The following SORCS2 variants were observed in gnomAD, a reference collection of about 807,000 sequenced individuals.
SORCS2 encodes the protein sortilin related VPS10 domain containing receptor 2, also known as VPS10 domain-containing receptor SorCS2.
SORCS2 carries 100 observed loss-of-function variants against 141.6 expected under a neutral mutation model. That is an observed-to-expected ratio of 0.71 (90% CI 0.60 to 0.83). The LOEUF (loss-of-function observed/expected upper bound fraction) is 0.83. SORCS2 is among the 40% of genes least tolerant of loss of function. SORCS2 has a pLI of 0.00. For missense variants in SORCS2, 1,646 were observed against 1,560.2 expected (o/e 1.05, Z -0.93); for synonymous variants, 789 against 676.9 (o/e 1.17, Z -2.57).
rs76828843 is a variant in SORCS2, at chr4:7,670,191, T to C, written c.1161+2978T>C. ...ATAGCTTTGCCATGTTTTTCTATTT[T>C]CCTTCTGTGTTAAAGGGTATAAATG... On this transcript the variant is annotated intron_variant, in intron 8 of 26. Coordinates refer to ENST00000507866, the MANE Select transcript of SORCS2 (RefSeq NM_020777.3). Among the ~76,000 whole-genome samples the C allele has an allele frequency of 7.8e-3, 1,192 of 152,364 alleles. 16 individuals carry two copies. Among genetic ancestry groups the C allele is most frequent in the African/African-American group, 0.028 (1,147 of 41,594 alleles).
rs1163985997 is a variant in SORCS2, at chr4:7,336,715, T to C, written c.481-59573T>C. Among the ~76,000 whole-genome samples the C allele has an allele frequency of 4.7e-5, 7 of 149,848 alleles. 1 individual carries two copies. Among genetic ancestry groups the C allele is most frequent in the Admixed American group, 2.0e-4 (3 of 15,094 alleles). On this transcript the variant is annotated intron_variant, in intron 1 of 26. Transcript: ENST00000507866. ...GTCCCAGGACCTCCTGTTCGCATCT[T>C]GGTGGAAGCGCCAGTAGCACCTTGG...
chr4:7,662,213 G>T (rs1445110443), intron 6 of SORCS2, among the ~76,000 whole-genome samples: 3 of 149,852 alleles, frequency 2.0e-5, no homozygotes, highest in African/African-American at 4.9e-5. Context: ...GCTAGGTGTG[G>T]CTCCCCACCC....
intron 3 of SORCS2, among the ~76,000 whole-genome samples, chr4:7,600,477 G>A (rs770896050): frequency 1.3e-5 from 2 of 152,066 alleles, no homozygotes; most frequent in Non-Finnish European, 2.9e-5. Context: ...GATGTTGATC[G>A]CGGGAGACAG....
intron 2 of SORCS2, among the ~76,000 whole-genome samples, chr4:7,436,747 G>C (rs956620973): frequency 2.0e-5 from 3 of 152,214 alleles, no homozygotes; most frequent in African/African-American, 7.2e-5. Flanking sequence ...TGGTGGATTT[G>C]TCTACTCGAC....
intron 11 of SORCS2, among the ~76,000 whole-genome samples, chr4:7,696,272 TC>T (rs1724703205): frequency 6.6e-6 from 1 of 152,104 alleles, no homozygotes; most frequent in South Asian, 2.1e-4. Context: ...GTCATCAGGG[TC>T]CCCATCATCC....
At chr4:7,278,332 G>A (rs73206494) in intron 1 of SORCS2, among the ~76,000 whole-genome samples, 2 of 152,312 alleles carry the variant, frequency 1.3e-5, no homozygotes, top group Non-Finnish European at 2.9e-5. Flanking sequence ...TTCACTGAGC[G>A]TGACGGGGTC....
chr4:7,272,666 C>T (rs1715222399), intron 1 of SORCS2, among the ~76,000 whole-genome samples: 1 of 152,228 alleles, frequency 6.6e-6, no homozygotes, highest in Admixed American at 6.5e-5. Flanking sequence ...TGGGGCACCC[C>T]ACCAGCGTGA....
intron 25 of SORCS2, among the ~76,000 whole-genome samples, chr4:7,736,236 C>T (rs970550165): frequency 6.6e-6 from 1 of 152,256 alleles, no homozygotes; most frequent in African/African-American, 2.4e-5. Context: ...GCTTGGCCCT[C>T]GTCTCTCAAG....
intron 1 of SORCS2, among the ~76,000 whole-genome samples, chr4:7,195,484 C>T (rs969615066): frequency 6.6e-6 from 1 of 152,182 alleles, no homozygotes; most frequent in African/African-American, 2.4e-5. Context: ...CTCTCTCACA[C>T]ACCCATTCTC....
intron 1 of SORCS2, among the ~76,000 whole-genome samples, chr4:7,229,136 T>C (rs1711630835): frequency 6.6e-6 from 1 of 152,158 alleles, no homozygotes; most frequent in Non-Finnish European, 1.5e-5. Context: ...TCCTTTCTAC[T>C]TTTGGGTATA....
At position 7,680,232 on chromosome 4, in the gene SORCS2, C is replaced by T. The variant is rs1723432872; in HGVS notation, c.1342-2511C>T. On this transcript the variant is annotated intron_variant, in intron 9 of 26. Coordinates refer to ENST00000507866, the MANE Select transcript of SORCS2 (RefSeq NM_020777.3). ...AGTCTAGCACAGAGGGACCTGTCTGCAGCCAATCTATAGGCAACACTCACA... is the reference window on the plus strand; with the variant it reads ...AGTCTAGCACAGAGGGACCTGTCTGTAGCCAATCTATAGGCAACACTCACA... Among the ~76,000 whole-genome samples the T allele has an allele frequency of 3.9e-5, 6 of 152,268 alleles. No individual in the cohort carries two copies. The South Asian group carries it at 1.2e-3, about 32-fold the overall frequency.
At chr4:7,480,157 T>C (rs1468159813) in intron 2 of SORCS2, among the ~76,000 whole-genome samples, 2 of 151,894 alleles carry the variant, frequency 1.3e-5, no homozygotes, top group Admixed American at 1.3e-4. Context: ...CTCACAGGGG[T>C]CTGAAGTGTG....
At chr4:7,615,060 T>C (rs1162335005) in intron 3 of SORCS2, among the ~76,000 whole-genome samples, 1 of 152,122 alleles carries the variant, frequency 6.6e-6, no homozygotes, top group African/African-American at 2.4e-5. Flanking sequence ...TATTCACCCA[T>C]CCACCATCTC....
At chr4:7,700,808 C>T (rs978397252) in intron 12 of SORCS2, among the ~76,000 whole-genome samples, 3 of 152,180 alleles carry the variant, frequency 2.0e-5, no homozygotes, top group East Asian at 3.9e-4. Flanking sequence ...CTCCAGCCTG[C>T]GACCCCACCA....
rs944598832 is a variant in SORCS2 at position 7,379,697 on chromosome 4, C to G, written c.481-16591C>G. On this transcript the variant is annotated intron_variant, in intron 1 of 26. Coordinates refer to ENST00000507866, the MANE Select transcript of SORCS2 (RefSeq NM_020777.3). ...AAGGAGAACCTTCCAGACCCTGTGG[C>G]TTTTTAGATTCGTTCTCTAAGCAGA... Among the ~76,000 whole-genome samples, 7 of 152,248 alleles carry G rather than the reference C, an allele frequency of 4.6e-5. No individual in the cohort carries two copies. In the South Asian group the frequency reaches 6.2e-4, roughly 14 times the overall value.
At chr4:7,712,158 G>A (rs1217470466) in intron 14 of SORCS2, among the ~76,000 whole-genome samples, 1 of 152,186 alleles carries the variant, frequency 6.6e-6, no homozygotes, top group Non-Finnish European at 1.5e-5. Flanking sequence ...GGCCAACCTT[G>A]CTCATCCTGT....
intron 1 of SORCS2, among the ~76,000 whole-genome samples, chr4:7,395,142 T>TCTTACAG (rs1724125452): frequency 6.6e-6 from 1 of 152,216 alleles, no homozygotes; most frequent in Non-Finnish European, 1.5e-5. Context: ...GCCTGTAAGA[T>TCTTACAG]GCACACTGTC....
chr4:7,260,132 G>A (rs559374702), intron 1 of SORCS2, among the ~76,000 whole-genome samples: 1 of 152,228 alleles, frequency 6.6e-6, no homozygotes, highest in African/African-American at 2.4e-5. Flanking sequence ...CGGCAGCCAA[G>A]TGAGAACCCA....
At chr4:7,494,004 AACAC>A (rs952772179) in intron 2 of SORCS2, among the ~76,000 whole-genome samples, 1 of 149,398 alleles carries the variant, frequency 6.7e-6, no homozygotes, top group East Asian at 1.9e-4. Context: ...TATACACACA[AACAC>A]ACACACACAT....
Sources: allele counts gnomAD v4.1 joint callset (sites outside exome capture counted in the v4.1 genomes callset), GRCh38; gene constraint gnomAD v4.1.1; transcripts MANE v1.5; gene names NCBI Gene and HGNC (gene_info 2026-07-23, HGNC 2026-07-21).